MAST4: variants seen among roughly 807,000 people sequenced by gnomAD.
MAST4 encodes the protein microtubule-associated serine/threonine-protein kinase 4.
MAST4 carries 89 observed loss-of-function variants against 162.7 expected under a neutral mutation model. The ratio of observed to expected loss-of-function variants is 0.55; its 90% CI spans 0.46 to 0.65. The LOEUF is 0.65. Ranked by LOEUF, MAST4 falls within the 30% of genes least tolerant of loss-of-function variation. MAST4 has a pLI of 0.00. For synonymous variants in MAST4, 1,479 were observed against 1,361.1 expected (o/e 1.09, Z -1.91); for missense variants, 3,153 against 3,374.0 (o/e 0.93, Z 1.62).
chr5:66,938,394 T>C (rs891178158), intron 4 of MAST4, among the ~76,000 whole-genome samples: 4 of 152,194 alleles, frequency 2.6e-5, no homozygotes, highest in Non-Finnish European at 5.9e-5. Flanking sequence ...CTTCTTGCTA[T>C]CCAGAAAGAG....
At chr5:66,779,350 C>T (rs903401752) in intron 2 of MAST4, among the ~76,000 whole-genome samples, 5 of 150,128 alleles carry the variant, frequency 3.3e-5, no homozygotes, top group African/African-American at 1.2e-4. Flanking sequence ...CTTAGAGTCA[C>T]GACTCTGCTT....
chr5:66,668,403 A>G (rs66645280), intron 1 of MAST4, among the ~76,000 whole-genome samples: 38,717 of 152,000 alleles, frequency 0.25, 5,082 homozygotes, highest in East Asian at 0.3. Flanking sequence ...CAGGCTTTTT[A>G]CTGACTTTAT....
intron 1 of MAST4, among the ~76,000 whole-genome samples, chr5:66,632,580 A>G (rs11949799): frequency 3.6e-4 from 55 of 152,224 alleles, no homozygotes; most frequent in Admixed American, 1.1e-3. Flanking sequence ...CAACCTAGAG[A>G]TCTCATTTCT....
intron 12 of MAST4, among the ~76,000 whole-genome samples, chr5:67,116,706 C>T (rs888542067): frequency 2.0e-5 from 3 of 151,948 alleles, no homozygotes; most frequent in African/African-American, 7.2e-5. Context: ...GTCCCAGCTA[C>T]TTGGGAGGCT....
At chr5:66,773,526 G>A (rs1754450892) in intron 2 of MAST4, among the ~76,000 whole-genome samples, 1 of 152,156 alleles carries the variant, frequency 6.6e-6, no homozygotes, top group African/African-American at 2.4e-5. Context: ...AGAATAGAGG[G>A]GGAATCATGT....
chr5:67,125,272 T>A (rs1172763843), intron 14 of MAST4, among the ~76,000 whole-genome samples: 1 of 151,940 alleles, frequency 6.6e-6, no homozygotes, highest in African/African-American at 2.4e-5. Flanking sequence ...GTTATTATAC[T>A]TTTAAGTTCT....
chr5:66,797,142 C>G (rs1755689816), intron 3 of MAST4, among the ~76,000 whole-genome samples: 1 of 152,162 alleles, frequency 6.6e-6, no homozygotes, highest in African/African-American at 2.4e-5. Flanking sequence ...CTTCTGGCAT[C>G]CTATTTCCTC....
intron 4 of MAST4, among the ~76,000 whole-genome samples, chr5:67,007,197 C>T (rs554837273): frequency 6.6e-6 from 1 of 152,280 alleles, no homozygotes; most frequent in East Asian, 1.9e-4. Flanking sequence ...GGACATGAAA[C>T]ATGTGCTTAC....
intron 1 of MAST4, among the ~76,000 whole-genome samples, chr5:66,737,037 A>G (rs1291743544): frequency 1.3e-5 from 2 of 152,252 alleles, no homozygotes; most frequent in Non-Finnish European, 1.5e-5. Flanking sequence ...GACACTTGAT[A>G]TAGCAGTTAC....
At chr5:67,003,894 A>G (rs1751589605) in intron 4 of MAST4, 3 of 152,314 alleles carry the variant, frequency 2.0e-5, no homozygotes, top group African/African-American at 2.4e-5. Context: ...CACCGTGGTC[A>G]TTGATGGAAC....
chr5:66,996,138 G>A (rs1394277218), intron 4 of MAST4, among the ~76,000 whole-genome samples: 2 of 151,952 alleles, frequency 1.3e-5, no homozygotes, highest in African/African-American at 4.8e-5. Context: ...AATTAGCTGC[G>A]CATGGTGGCA....
In MAST4 at chr5:66,684,787, G is replaced by A. The variant is rs558050986; in HGVS notation, c.364-74922G>A. On this transcript the variant is annotated intron_variant, in intron 1 of 28. Coordinates refer to ENST00000403625, the MANE Select transcript of MAST4 (RefSeq NM_001164664.2). ...AAAAGCTGGGGAAAGAGGAAGAGGG[G>A]TCACTGTCTCAGTTTAGAAGTGCTG... is the stretch of plus-strand genomic sequence containing the variant. Among the ~76,000 whole-genome samples, 19 of 152,254 alleles carry A rather than the reference G, an allele frequency of 1.2e-4. No individual in the cohort carries two copies. In the South Asian group the frequency reaches 4.0e-3, roughly 32 times the overall value.
chr5:66,843,859 C>G (rs999794998), intron 3 of MAST4, among the ~76,000 whole-genome samples: 19 of 152,146 alleles, frequency 1.2e-4, no homozygotes, highest in African/African-American at 4.1e-4. Context: ...AGCGGTTGCA[C>G]AAAGTAATGG....
chr5:67,086,775 A>G (rs545244909), intron 5 of MAST4, among the ~76,000 whole-genome samples: 7 of 152,318 alleles, frequency 4.6e-5, no homozygotes, highest in African/African-American at 1.7e-4. Flanking sequence ...GAGCAGTGCT[A>G]TGAGGAGTGA....
intron 1 of MAST4, among the ~76,000 whole-genome samples, chr5:66,752,687 T>A (rs1272702612): frequency 4.9e-4 from 72 of 147,498 alleles, no homozygotes; most frequent in Admixed American, 4.0e-4. Context: ...CTCCCACACA[T>A]TAATAATGGG....
intron 4 of MAST4, chr5:66,963,581 C>T: frequency 1.5e-6 from 1 of 670,428 alleles, no homozygotes. Context: ...TAGATGATTA[C>T]CTAGTGGTGT....
intron 1 of MAST4, among the ~76,000 whole-genome samples, chr5:66,664,814 T>G (rs902473974): frequency 3.3e-5 from 5 of 152,020 alleles, no homozygotes; most frequent in African/African-American, 1.2e-4. Flanking sequence ...GTGAATTTTG[T>G]TAGGAGAACT....
chr5:66,968,283 CT>C (rs1746997897), intron 4 of MAST4, among the ~76,000 whole-genome samples: 1 of 152,192 alleles, frequency 6.6e-6, no homozygotes, highest in South Asian at 2.1e-4. Context: ...CTTCTTCCAT[CT>C]TTTTCTTTGC....
chr5:66,968,217 G>A (rs1246124860), intron 4 of MAST4, among the ~76,000 whole-genome samples: 3 of 152,130 alleles, frequency 2.0e-5, no homozygotes, highest in Non-Finnish European at 4.4e-5. Flanking sequence ...ACATCTTCCT[G>A]GATGATAACC....
Sources: gnomAD v4.1 joint callset for allele counts (sites outside exome capture counted in the v4.1 genomes callset) on GRCh38, gnomAD v4.1.1 for gene constraint, MANE v1.5 for transcripts, NCBI Gene and HGNC (gene_info 2026-07-23, HGNC 2026-07-21) for gene names.